Variants in NSL1 observed in about 807,000 individuals in gnomAD.
NSL1 encodes NSL1 component of MIS12 kinetochore complex.
A neutral mutation model predicts 25.4 loss-of-function variants in NSL1; 11 were observed. The ratio of observed to expected loss-of-function variants is 0.43; its 90% CI spans 0.27 to 0.72. The LOEUF (loss-of-function observed/expected upper bound fraction) is 0.72. NSL1 is among the 30% of genes least tolerant of loss of function. The pLI is 0.19. For missense variants in NSL1, 330 were observed against 342.7 expected, an observed-to-expected ratio of 0.96 and a Z score of 0.29; for synonymous variants, 118 against 120.6, an observed-to-expected ratio of 0.98 and a Z score of 0.14.
intron 4 of NSL1, among the ~76,000 whole-genome samples, chr1:212,767,482 A>T (rs958914706): frequency 9.2e-5 from 14 of 152,228 alleles, no homozygotes; most frequent in African/African-American, 3.4e-4. Flanking sequence ...AGATAACATC[A>T]GACAAACTCT....
chr1:212,755,508 A>G (rs1659261833), intron 4 of NSL1, among the ~76,000 whole-genome samples: 1 of 151,780 alleles, frequency 6.6e-6, no homozygotes, highest in African/African-American at 2.4e-5. Context: ...AATAAAAACC[A>G]TGGAGTTGAA....
At chr1:212,787,523 C>G (rs746911169) in intron 2 of NSL1, 36 bp downstream of exon 2, 1 of 1,477,702 alleles carries the variant, frequency 6.8e-7, no homozygotes, top group South Asian at 1.2e-5. Context: ...GCAAAAATAA[C>G]CCAGAAATTA....
At chr1:212,777,095 C>A (rs11120024) in intron 4 of NSL1, among the ~76,000 whole-genome samples, 60,881 of 151,506 alleles carry the variant, frequency 0.4, 13,852 homozygotes, top group Non-Finnish European at 0.51. Flanking sequence ...ACAACCTAGG[C>A]TGGTGCAGTA....
rs1019037572 is a variant in NSL1 at position 212,731,961 on chromosome 1, C to G, written c.*6447G>C. On this transcript the variant is annotated 3_prime_UTR_variant, in exon 6 of 6. Transcript: ENST00000366977. ...ACTGCTTTAACCAATGTCCATCTAA[C>G]TGTTCAGTGCCTGTGCTGTACTAAT... The G allele has an allele frequency of 1.0e-6, 1 of 985,256 alleles. No individual in the cohort carries two copies. The highest frequency in any genetic ancestry group is 1.7e-5 in the African/African-American group (1 of 57,208). The allele number at this position is 985,256 out of a possible 1,614,324, so 61.0% of individuals were successfully genotyped here. A position where few individuals can be genotyped will look rare whatever the true frequency, so the allele number is the denominator to read the frequency against.
At position 212,784,452 on chromosome 1, in the gene NSL1, T is replaced by C. The variant is rs1167814125; in HGVS notation, c.355A>G (p.Ile119Val). ...TTACGTTTTGTGGCTATATCTACTA[T>C]GATTTCATCAAACTGATCTTCAAGT... The part of the protein sequence containing the change: ...KVLEDQFDEI[I>V]VDIATKRKQY... Residue 119 changes from isoleucine (I) to valine (V), a missense_variant, in exon 3 of 6, where the codon ATA (isoleucine) becomes GTA (valine). Coordinates refer to ENST00000366977, the MANE Select transcript of NSL1 (RefSeq NM_015471.4). 1 of 1,587,250 alleles carries C rather than the reference T, an allele frequency of 6.3e-7. No individual in the cohort carries two copies. Among genetic ancestry groups the C allele is most frequent in the South Asian group, 1.1e-5 (1 of 87,778 alleles).
At chr1:212,784,015 A>C (rs905025602) in intron 3 of NSL1, 19 of 156,178 alleles carry the variant, frequency 1.2e-4, no homozygotes, top group Non-Finnish European at 2.0e-4. Context: ...CCAAAAAAAA[A>C]CAACAAACAG....
At chr1:212,739,482 C>T in intron 5 of NSL1, 52 bp downstream of exon 5, 1 of 1,544,804 alleles carries the variant, frequency 6.5e-7, no homozygotes, top group Non-Finnish European at 8.9e-7. Flanking sequence ...AATGCAAATA[C>T]CTAGCCATAC....
chr1:212,761,971 TAAAAAAAAAAAA>T (rs34216305), intron 4 of NSL1, among the ~76,000 whole-genome samples: 1 of 105,694 alleles, frequency 9.5e-6, no homozygotes, highest in Admixed American at 1.0e-4. Context: ...GCTGATGAGC[TAAAAAAAAAAAA>T]AAAAAAAAAA....
rs147077077 is a variant in NSL1 at position 212,765,862 on chromosome 1, C to T, written c.499+16510G>A. Among the ~76,000 whole-genome samples, 844 of 151,510 alleles carry T rather than the reference C, an allele frequency of 5.6e-3. 9 individuals are homozygous for T. The highest frequency in any genetic ancestry group is 0.019 in the African/African-American group (801 of 41,322). ...TATGATTAAAAACCCTCGGGCTGGG[C>T]GCAGTGGCTCACACCTATAATCCCA... On this transcript the variant is annotated intron_variant, in intron 4 of 5. Coordinates refer to ENST00000366977, the MANE Select transcript of NSL1 (RefSeq NM_015471.4).
intron 4 of NSL1, among the ~76,000 whole-genome samples, chr1:212,740,100 A>C (rs1186539421): frequency 6.6e-6 from 1 of 152,170 alleles, no homozygotes; most frequent in Non-Finnish European, 1.5e-5. Flanking sequence ...CAATCTTTGC[A>C]TATTCAATGA....
rs1657879597 is a variant in NSL1 at position 212,728,546 on chromosome 1, T to C, written c.*9862A>G. ...CATTGTTGGTTTGTTCAAACAATTT[T>C]TTCAAATCAGATTTACAGAGGGATA... is the stretch of plus-strand genomic sequence containing the variant. On this transcript the variant is annotated 3_prime_UTR_variant, in exon 6 of 6. Transcript: ENST00000366977. 1.0e-6 allele frequency: 1 copy of C among 985,322 alleles called. No individual in the cohort carries two copies. The highest frequency in any genetic ancestry group is 6.1e-5 in the Admixed American group (1 of 16,264). The allele number at this position is 985,322 out of a possible 1,614,324, so 61.0% of individuals were successfully genotyped here. A position where few individuals can be genotyped will look rare whatever the true frequency, so the allele number is the denominator to read the frequency against.
chr1:212,756,803 G>C (rs1386112327), intron 4 of NSL1, among the ~76,000 whole-genome samples: 3 of 152,246 alleles, frequency 2.0e-5, no homozygotes, highest in African/African-American at 7.2e-5. Context: ...CTGGGCGACA[G>C]AGCAAGGCTC....
Position 212,784,465 on chromosome 1 carries a change from C to G in NSL1, c.342G>C (p.Gln114His). The G allele has an allele frequency of 6.3e-7, 1 of 1,574,914 alleles. No homozygotes were observed. Among genetic ancestry groups the G allele is most frequent in the South Asian group, 1.2e-5 (1 of 85,658 alleles). The change falls in exon 3 of 6, where the codon CAG becomes CAC. Residue 114 changes from glutamine (Q) to histidine (H), a missense_variant. Transcript: ENST00000366977. ...CTATATCTACTATGATTTCATCAAACTGATCTTCAAGTACTTTGATGTCAG... is the reference window on the plus strand; with the variant it reads ...CTATATCTACTATGATTTCATCAAAGTGATCTTCAAGTACTTTGATGTCAG... ...MDSDIKVLED[Q>H]FDEIIVDIAT...
chr1:212,774,988 A>T (rs960172577), intron 4 of NSL1, among the ~76,000 whole-genome samples: 4 of 152,186 alleles, frequency 2.6e-5, no homozygotes, highest in Non-Finnish European at 4.4e-5. Context: ...TTTTTTAAAA[A>T]GTCTGTATAC....
chr1:212,777,068 A>AC (rs957864401), intron 4 of NSL1, among the ~76,000 whole-genome samples: 37 of 151,828 alleles, frequency 2.4e-4, no homozygotes, highest in Non-Finnish European at 3.8e-4. Flanking sequence ...ACTAAAAAAA[A>AC]AAAAACAAAA....
chr1:212,738,738 A>G (rs955236646), intron 5 of NSL1, 52 bp from the exon 6 acceptor site: 13 of 1,499,836 alleles, frequency 8.7e-6, no homozygotes, highest in African/African-American at 7.0e-5. Context: ...TTGAAACACA[A>G]ACAGACAAAG....
At position 212,730,756 on chromosome 1, in the gene NSL1, A is replaced by G; in HGVS notation, c.*7652T>C. 1 of 985,434 alleles carries G rather than the reference A, an allele frequency of 1.0e-6. No homozygotes were observed. Among genetic ancestry groups the G allele is most frequent in the Non-Finnish European group, 1.2e-6 (1 of 829,936 alleles). 61.0% of individuals were successfully genotyped at this position (985,434 alleles called of 1,614,324 possible). A position where few individuals can be genotyped will look rare whatever the true frequency, so the allele number is the denominator to read the frequency against. On this transcript the variant is annotated 3_prime_UTR_variant, in exon 6 of 6. Coordinates refer to ENST00000366977, the MANE Select transcript of NSL1 (RefSeq NM_015471.4). Reference sequence around the variant, plus strand: ...ACTTAGTTCTAGTAGACGTAGTTCTAGTAGACAGGAGACTCTGGAGTCCTA... The same window carrying G: ...ACTTAGTTCTAGTAGACGTAGTTCTGGTAGACAGGAGACTCTGGAGTCCTA...
intron 1 of NSL1, among the ~76,000 whole-genome samples, chr1:212,788,336 C>T (rs908198495): frequency 6.6e-6 from 1 of 152,118 alleles, no homozygotes; most frequent in African/African-American, 2.4e-5. Context: ...TTACTTGAGC[C>T]CAGTGGTTTG....
At position 212,731,100 on chromosome 1, in the gene NSL1, C is replaced by T. The variant is rs1373201712; in HGVS notation, c.*7308G>A. 1.0e-6 allele frequency: 1 copy of T among 984,408 alleles called. No individual in the cohort carries two copies. Among genetic ancestry groups the T allele is most frequent in the East Asian group, 1.1e-4 (1 of 8,818 alleles). 61.0% of individuals were successfully genotyped at this position (984,408 alleles called of 1,614,324 possible). A position where few individuals can be genotyped will look rare whatever the true frequency, so the allele number is the denominator to read the frequency against. ...CTTTCATATAAAATCCCCAAGAACC[C>T]CCTTCAGTGGTTCTCTAGAGAGATA... On this transcript the variant is annotated 3_prime_UTR_variant, in exon 6 of 6. Transcript: ENST00000366977.
Sources: allele counts gnomAD v4.1 joint callset (sites outside exome capture counted in the v4.1 genomes callset), GRCh38; gene constraint gnomAD v4.1.1; transcripts MANE v1.5; gene names NCBI Gene and HGNC (gene_info 2026-07-23, HGNC 2026-07-21).